Variants in ITPR1 observed in about 807,000 individuals in gnomAD.
ITPR1 encodes inositol 1,4,5-trisphosphate receptor type 1, also known as inositol 1,4,5-trisphosphate-gated calcium channel ITPR1.
ITPR1 carries 96 observed loss-of-function variants against 318.4 expected under a neutral mutation model. That is an observed-to-expected ratio of 0.30 (90% confidence interval 0.26 to 0.36). ITPR1 has a LOEUF of 0.36. Ranked by LOEUF, ITPR1 falls within the 10% of genes least tolerant of loss-of-function variation. The probability of loss-of-function intolerance (pLI) is 1.00; values close to 1 mark genes in which losing one functional copy is unlikely to be tolerated. For synonymous variants in ITPR1, 1,312 were observed against 1,289.9 expected, an observed-to-expected ratio of 1.02 and a Z score of -0.37; for missense variants, 2,440 against 3,460.2, an observed-to-expected ratio of 0.71 and a Z score of 7.40.
chr3:4,661,692 A>C (rs1030192495), intron 14 of ITPR1, among the ~76,000 whole-genome samples: 3 of 152,208 alleles, frequency 2.0e-5, no homozygotes, highest in African/African-American at 7.2e-5. Context: ...AGATTTATAG[A>C]AAAGTTGAAA....
chr3:4,637,778 C>T (rs370851970), intron 5 of ITPR1, among the ~76,000 whole-genome samples: 11 of 152,274 alleles, frequency 7.2e-5, no homozygotes, highest in African/African-American at 2.4e-4. Flanking sequence ...AAAAGATGTG[C>T]TTTCCTAAAA....
intron 59 of ITPR1, among the ~76,000 whole-genome samples, chr3:4,816,642 G>T (rs1043252542): frequency 5.3e-5 from 8 of 152,186 alleles, no homozygotes; most frequent in African/African-American, 1.9e-4. Context: ...GCCCGTTTTA[G>T]CTTCCCAAAG....
intron 54 of ITPR1, among the ~76,000 whole-genome samples, chr3:4,803,963 C>A (rs1235578541): frequency 1.3e-5 from 2 of 152,186 alleles, no homozygotes; most frequent in Non-Finnish European, 2.9e-5. Context: ...CCTCCGCCTC[C>A]TGGGTTCAAG....
At chr3:4,663,786 A>G (rs2093888091) in intron 16 of ITPR1, among the ~76,000 whole-genome samples, 1 of 152,228 alleles carries the variant, frequency 6.6e-6, no homozygotes, top group Non-Finnish European at 1.5e-5. Flanking sequence ...CTGCCCTGAA[A>G]TCATCTGTGC....
At chr3:4,645,320 T>G in intron 8 of ITPR1, 67 bp from the exon 9 acceptor site, 1 of 1,089,308 alleles carries the variant, frequency 9.2e-7, no homozygotes, top group South Asian at 1.3e-5. Flanking sequence ...CGGTGAGAAG[T>G]CTGGGGGCTG....
At chr3:4,521,751 C>A (rs1559378665) in intron 4 of ITPR1, among the ~76,000 whole-genome samples, 1 of 152,114 alleles carries the variant, frequency 6.6e-6, no homozygotes, top group Non-Finnish European at 1.5e-5. Context: ...CACCTGTAGT[C>A]CCAGCTACTC....
chr3:4,726,341 TA>T (rs11294154), intron 41 of ITPR1, among the ~76,000 whole-genome samples: 48,499 of 146,156 alleles, frequency 0.33, 8,577 homozygotes, highest in Non-Finnish European at 0.43. Context: ...ATGATGCAGT[TA>T]AAAAAAAAAA....
chr3:4,656,324 C>G (rs1193329774), intron 12 of ITPR1, among the ~76,000 whole-genome samples: 1 of 152,226 alleles, frequency 6.6e-6, no homozygotes, highest in Non-Finnish European at 1.5e-5. Flanking sequence ...GTGTCTCAAA[C>G]CATAGCCAGG....
chr3:4,618,658 C>T (rs1364958273), intron 4 of ITPR1, among the ~76,000 whole-genome samples: 1 of 152,168 alleles, frequency 6.6e-6, no homozygotes, highest in Non-Finnish European at 1.5e-5. Context: ...TCCAATTCCT[C>T]AGCATGTTTT....
chr3:4,559,943 A>G (rs2086511428), intron 4 of ITPR1, among the ~76,000 whole-genome samples: 1 of 152,222 alleles, frequency 6.6e-6, no homozygotes, highest in Non-Finnish European at 1.5e-5. Flanking sequence ...GTACTGGTTC[A>G]GAGCATGAGT....
intron 44 of ITPR1, among the ~76,000 whole-genome samples, chr3:4,744,421 G>C (rs2043930572): frequency 1.3e-5 from 2 of 152,360 alleles, no homozygotes; most frequent in South Asian, 2.1e-4. Flanking sequence ...GGATTGGTCA[G>C]TCTTCCTCTG....
In ITPR1 at chr3:4,800,407, C is replaced by G; in HGVS notation, c.6932-18C>G. The G allele has an allele frequency of 1.9e-6, 3 of 1,610,096 alleles. No homozygotes were observed. The South Asian group carries it at 3.3e-5, about 18-fold the overall frequency. On this transcript the variant is annotated intron_variant, in intron 53 of 61. Transcript: ENST00000649015. ...TGAAGGCACAGATTTGTGAGAGAACCCTGTTTTGTCCTTGCAGGAACCCTG... is the reference window on the plus strand; with the variant it reads ...TGAAGGCACAGATTTGTGAGAGAACGCTGTTTTGTCCTTGCAGGAACCCTG...
intron 54 of ITPR1, 133 bp downstream of exon 54, chr3:4,800,733 C>A: frequency 1.1e-6 from 1 of 917,224 alleles, no homozygotes; most frequent in South Asian, 1.6e-5. Flanking sequence ...TTTAAATAGC[C>A]AGAAGCAGGG....
chr3:4,668,561 G>A (rs768168629), intron 18 of ITPR1, among the ~76,000 whole-genome samples: 11 of 151,896 alleles, frequency 7.2e-5, no homozygotes, highest in East Asian at 3.9e-4. Context: ...TCCGCCTCCC[G>A]GGTTCAAGCA....
chr3:4,778,600 T>TTGTG (rs368747466), intron 48 of ITPR1, among the ~76,000 whole-genome samples: 51 of 152,316 alleles, frequency 3.3e-4, no homozygotes, highest in African/African-American at 1.1e-3. Flanking sequence ...TTTTGACAAA[T>TTGTG]TGTGTTTTAG....
At chr3:4,813,323 T>G (rs776199124) in intron 57 of ITPR1, 89 bp downstream of exon 57, 7 of 904,602 alleles carry the variant, frequency 7.7e-6, no homozygotes, top group South Asian at 1.7e-5. Context: ...AAGATTAAAT[T>G]TACTGCTCAG....
intron 4 of ITPR1, among the ~76,000 whole-genome samples, chr3:4,550,836 T>C (rs2085492476): frequency 6.6e-6 from 1 of 151,748 alleles, no homozygotes; most frequent in African/African-American, 2.4e-5. Context: ...CAGTGAGCTA[T>C]GATCATGCTA....
At chr3:4,519,720 G>C (rs1022355974) in intron 3 of ITPR1, among the ~76,000 whole-genome samples, 1 of 152,192 alleles carries the variant, frequency 6.6e-6, no homozygotes, top group Non-Finnish European at 1.5e-5. Flanking sequence ...ATACAGTGAA[G>C]TCTTGTGTCA....
intron 4 of ITPR1, among the ~76,000 whole-genome samples, chr3:4,623,046 C>T (rs924466229): frequency 6.6e-6 from 1 of 152,358 alleles, no homozygotes; most frequent in Admixed American, 6.5e-5. Context: ...ATGGATACCT[C>T]TGAAGGTCGG....
Sources: gnomAD v4.1 joint callset for allele counts (sites outside exome capture counted in the v4.1 genomes callset) on GRCh38, gnomAD v4.1.1 for gene constraint, MANE v1.5 for transcripts, NCBI Gene and HGNC (gene_info 2026-07-23, HGNC 2026-07-21) for gene names.